PLN: variants seen among roughly 807,000 people sequenced by gnomAD.
PLN encodes phospholamban, also known as cardiac phospholamban.
PLN carries 1 observed loss-of-function variant against 3.9 expected under a neutral mutation model. The observed-to-expected ratio is 0.26, with a 90% CI of 0.09 to 1.23. The LOEUF is 1.23. PLN is among the 50% of genes most tolerant of loss of function. The probability of loss-of-function intolerance (pLI) is 0.48; values close to 1 mark genes in which losing one functional copy is unlikely to be tolerated. For synonymous variants in PLN, 21 were observed against 20.5 expected (o/e 1.02, Z -0.07); for missense variants, 59 against 62.7 (o/e 0.94, Z 0.20).
chr6:118,558,594 A>C (rs909121039), intron 1 of PLN, among the ~76,000 whole-genome samples: 1 of 143,934 alleles, frequency 6.9e-6, no homozygotes, highest in African/African-American at 2.5e-5. Flanking sequence ...AAAGGAGAGA[A>C]AGAGAGACAG....
intron 1 of PLN, among the ~76,000 whole-genome samples, chr6:118,551,581 A>G (rs1778548172): frequency 6.6e-6 from 1 of 152,052 alleles, no homozygotes; most frequent in Non-Finnish European, 1.5e-5. Context: ...CAACAGCAAT[A>G]AGCTAAATTG....
chr6:118,549,188 C>T (rs1778387628), intron 1 of PLN, among the ~76,000 whole-genome samples: 1 of 151,908 alleles, frequency 6.6e-6, no homozygotes, highest in African/African-American at 2.4e-5. Flanking sequence ...TATTTTCACA[C>T]AAATTTGATT....
chr6:118,556,737 ATGTC>A (rs1238075460), intron 1 of PLN, among the ~76,000 whole-genome samples: 1 of 152,156 alleles, frequency 6.6e-6, no homozygotes, highest in Admixed American at 6.5e-5. Context: ...AACAGTCACT[ATGTC>A]TGGCAGTTAA....
At chr6:118,556,859 GACAGTTAAT>G (rs1334432125) in intron 1 of PLN, among the ~76,000 whole-genome samples, 1 of 152,002 alleles carries the variant, frequency 6.6e-6, no homozygotes, top group Non-Finnish European at 1.5e-5. Context: ...ATTATCTCTG[GACAGTTAAT>G]ACAGTTAATT....
At chr6:118,553,839 T>C (rs1778690599) in intron 1 of PLN, among the ~76,000 whole-genome samples, 1 of 152,216 alleles carries the variant, frequency 6.6e-6, no homozygotes, top group Non-Finnish European at 1.5e-5. Flanking sequence ...TTCAGGTTAA[T>C]ACTGTGTTAA....
intron 1 of PLN, 36 bp from the exon 2 acceptor site, chr6:118,558,789 G>A: frequency 1.4e-6 from 1 of 715,912 alleles, no homozygotes; most frequent in Admixed American, 2.1e-5. Context: ...AGGTTACATA[G>A]ATGATTCTAA....
Position 118,558,889 on chromosome 6 carries a change from T to C in PLN, c.-33T>C, listed in dbSNP as rs372647899. ...AGCTTTTTATCTTTCTCTCGACCACTTAAAACTTCAGACTTCCTGTCCTGC... is the reference window on the plus strand; with the variant it reads ...AGCTTTTTATCTTTCTCTCGACCACCTAAAACTTCAGACTTCCTGTCCTGC... On this transcript the variant is annotated 5_prime_UTR_variant, in exon 2 of 2. Transcript: ENST00000357525. 10 of 1,599,174 alleles carry C rather than the reference T, an allele frequency of 6.3e-6. No homozygotes were observed. The African/African-American group carries it at 1.2e-4, about 19-fold the overall frequency.
In PLN at chr6:118,560,339, T is replaced by C. The variant is rs1003201127; in HGVS notation, c.*1259T>C. On this transcript the variant is annotated 3_prime_UTR_variant, in exon 2 of 2. Coordinates refer to ENST00000357525, the MANE Select transcript of PLN (RefSeq NM_002667.5). ...TGTATTATACACTATATTCCTACAA[T>C]AAAGTAAGCTAGAGAAAATGTTATT... is the stretch of plus-strand genomic sequence containing the variant. 1 of 166,918 alleles carries C rather than the reference T, an allele frequency of 6.0e-6. No homozygotes were observed. Among genetic ancestry groups the C allele is most frequent in the African/African-American group, 2.4e-5 (1 of 41,422 alleles). The allele number at this position is 166,918 out of a possible 1,614,324, so 10.3% of individuals were successfully genotyped here.
intron 1 of PLN, among the ~76,000 whole-genome samples, chr6:118,551,730 T>C (rs1327571285): frequency 6.6e-6 from 1 of 152,004 alleles, no homozygotes; most frequent in Non-Finnish European, 1.5e-5. Context: ...TACAATTATT[T>C]TCATAACCAG....
rs952540447 is a variant in PLN, at chr6:118,560,641, T to C, written c.*1561T>C. The C allele has an allele frequency of 1.2e-5, 2 of 166,968 alleles. No homozygotes were observed. The highest frequency in any genetic ancestry group is 2.9e-5 in the Non-Finnish European group (2 of 68,096). 10.3% of individuals were successfully genotyped at this position (166,968 alleles called of 1,614,324 possible). A position where few individuals can be genotyped will look rare whatever the true frequency, so the allele number is the denominator to read the frequency against. On this transcript the variant is annotated 3_prime_UTR_variant, in exon 2 of 2. Coordinates refer to ENST00000357525, the MANE Select transcript of PLN (RefSeq NM_002667.5). Reference sequence around the variant, plus strand: ...TATTTTTCTTCCTCTATCAACCAAATGGTAAGCATCTATTTTGCAGTCCAC... The same window carrying C: ...TATTTTTCTTCCTCTATCAACCAAACGGTAAGCATCTATTTTGCAGTCCAC...
At position 118,559,115 on chromosome 6, in the gene PLN, A is replaced by C; in HGVS notation, c.*35A>C. 1 of 1,540,694 alleles carries C rather than the reference A, an allele frequency of 6.5e-7. No individual in the cohort carries two copies. Among genetic ancestry groups the C allele is most frequent in the Non-Finnish European group, 9.0e-7 (1 of 1,112,982 alleles). On this transcript the variant is annotated 3_prime_UTR_variant, in exon 2 of 2. Transcript: ENST00000357525. ...ACAACCTCTAGATCTGCAGCTTGCC[A>C]CATCAGCTTAAAATCTGTCATCCCA...
At chr6:118,548,883 TA>T (rs2114917902) in intron 1 of PLN, among the ~76,000 whole-genome samples, 1 of 152,126 alleles carries the variant, frequency 6.6e-6, no homozygotes, top group Non-Finnish European at 1.5e-5. Flanking sequence ...ATTCCAATAT[TA>T]TCATAATTTC....
At chr6:118,551,068 ATC>A (rs1778514939) in intron 1 of PLN, among the ~76,000 whole-genome samples, 2 of 151,906 alleles carry the variant, frequency 1.3e-5, no homozygotes, top group African/African-American at 4.8e-5. Context: ...CCTTCAATTC[ATC>A]TGATACCTAA....
Position 118,561,641 on chromosome 6 carries a change from TTAA to T in PLN, c.*2563_*2565del, listed in dbSNP as rs1310078434. Reference sequence around the variant, plus strand: ...AATGCTTAATGTTGCCTTTTATATTTTAATTGGTTAAGAATATATATTTGTTTA... The same window carrying T: ...AATGCTTAATGTTGCCTTTTATATTTTTGGTTAAGAATATATATTTGTTTA... On this transcript the variant is annotated 3_prime_UTR_variant, in exon 2 of 2. Transcript: ENST00000357525. 2.0e-5 allele frequency among the ~76,000 whole-genome samples: 3 copies of T among 152,128 alleles called. No homozygotes were observed. The East Asian group carries it at 5.8e-4, about 29-fold the overall frequency.
intron 1 of PLN, among the ~76,000 whole-genome samples, chr6:118,552,737 T>C (rs922498717): frequency 4.6e-5 from 7 of 151,918 alleles, no homozygotes; most frequent in Admixed American, 6.6e-5. Context: ...CCACAAAGAA[T>C]AGTAAAGAAT....
At chr6:118,557,631 G>A (rs951459512) in intron 1 of PLN, among the ~76,000 whole-genome samples, 2 of 152,096 alleles carry the variant, frequency 1.3e-5, no homozygotes, top group Admixed American at 6.6e-5. Flanking sequence ...ATCCAAGGTG[G>A]GTTCCTCCCT....
At position 118,559,240 on chromosome 6, in the gene PLN, A is replaced by G; in HGVS notation, c.*160A>G. Reference sequence around the variant, plus strand: ...TAAGACTAAAACTTATTGTTACCATATGTATTCATCTGTTGGATCTTGTAA... The same window carrying G: ...TAAGACTAAAACTTATTGTTACCATGTGTATTCATCTGTTGGATCTTGTAA... On this transcript the variant is annotated 3_prime_UTR_variant, in exon 2 of 2. Transcript: ENST00000357525. 1 of 709,892 alleles carries G rather than the reference A, an allele frequency of 1.4e-6. No individual in the cohort carries two copies. Among genetic ancestry groups the G allele is most frequent in the Admixed American group, 2.1e-5 (1 of 47,902 alleles). The allele number at this position is 709,892 out of a possible 1,614,324, so 44.0% of individuals were successfully genotyped here. A position where few individuals can be genotyped will look rare whatever the true frequency, so the allele number is the denominator to read the frequency against.
intron 1 of PLN, among the ~76,000 whole-genome samples, chr6:118,557,211 C>T (rs1459564391): frequency 6.6e-6 from 1 of 152,158 alleles, no homozygotes; most frequent in African/African-American, 2.4e-5. Context: ...CCATTTAACA[C>T]TATTTTATTT....
In PLN at chr6:118,550,253, T is replaced by A. The variant is rs188469446; in HGVS notation, c.-98+1861T>A. On this transcript the variant is annotated intron_variant, in intron 1 of 1. Transcript: ENST00000357525. ...AAAATGATCACATTTGGGTATATAATCATATCTTTAATTAGTGAGATTAAG... is the reference window on the plus strand; with the variant it reads ...AAAATGATCACATTTGGGTATATAAACATATCTTTAATTAGTGAGATTAAG... Among the ~76,000 whole-genome samples the A allele has an allele frequency of 4.7e-4, 72 of 151,952 alleles. No homozygotes were observed. In the East Asian group the frequency reaches 5.8e-3, roughly 12 times the overall value.
Sources: allele counts gnomAD v4.1 joint callset (sites outside exome capture counted in the v4.1 genomes callset), GRCh38; gene constraint gnomAD v4.1.1; transcripts MANE v1.5; gene names NCBI Gene and HGNC (gene_info 2026-07-23, HGNC 2026-07-21).